Variants in C11orf24 observed in about 807,000 individuals in gnomAD.
The protein encoded by C11orf24 is chromosome 11 open reading frame 24.
C11orf24 carries 5 observed loss-of-function variants against 7.3 expected under a neutral mutation model. That is an observed-to-expected ratio of 0.69 (90% CI 0.36 to 1.45). The LOEUF is 1.45. Ranked by LOEUF, C11orf24 falls within the 40% of genes most tolerant of loss-of-function variation. C11orf24 has a pLI of 0.03. For synonymous variants in C11orf24, 233 were observed against 235.7 expected (o/e 0.99, Z 0.11); for missense variants, 566 against 590.5 (o/e 0.96, Z 0.43).
Position 68,262,423 on chromosome 11 carries a change from G to T in C11orf24, c.572C>A (p.Ala191Asp). 1.2e-6 allele frequency: 2 copies of T among 1,614,184 alleles called. No individual in the cohort carries two copies. The highest frequency in any genetic ancestry group is 1.7e-6 in the Non-Finnish European group (2 of 1,180,036). Residue 191 changes from alanine to aspartate, a missense_variant, in exon 4 of 4, where the codon GCC becomes GAC. Transcript: ENST00000304271. ...GCTGCTCTTTGGCACTTGTGCGAGG[G>T]CTGTGCTGAGAGATGGATGCCCAGT... is the stretch of plus-strand genomic sequence containing the variant. ...TATGHPSLST[A>D]LAQVPKSSAL... is the part of the protein sequence containing the mutation.
intron 2 of C11orf24, among the ~76,000 whole-genome samples, chr11:68,266,040 T>C (rs1245077302): frequency 6.6e-6 from 1 of 152,096 alleles, no homozygotes; most frequent in South Asian, 2.1e-4. Flanking sequence ...GTCATTCCCT[T>C]GAGGAAGCTA....
intron 1 of C11orf24, among the ~76,000 whole-genome samples, chr11:68,270,336 CT>C (rs1287286168): frequency 2.0e-5 from 3 of 152,164 alleles, no homozygotes; most frequent in Non-Finnish European, 2.9e-5. Flanking sequence ...AACTATGCCC[CT>C]GGGTGTCAAC....
rs370352847 is a variant in C11orf24 at position 68,262,710 on chromosome 11, T to G, written c.285A>C (p.Ser95=). The G allele has an allele frequency of 5.0e-6, 8 of 1,614,084 alleles. No individual in the cohort carries two copies. Among genetic ancestry groups the G allele is most frequent in the Middle Eastern group, 3.3e-4 (2 of 6,084 alleles). ...AGGTCACACCATCAGCTGCACCTCC[T>G]GAAGTTGCTGGTTCACTCACATCTG... ...SRTDVSEPAT[S]GGAADGVTSI... The change falls in exon 4 of 4, where the codon TCA becomes TCC. Residue 95 remains serine (S), a synonymous_variant. Coordinates refer to ENST00000304271, the MANE Select transcript of C11orf24 (RefSeq NM_022338.4).
At position 68,268,667 on chromosome 11, in the gene C11orf24, G is replaced by A. The variant is rs1591135436; in HGVS notation, c.-297-416C>T. On this transcript the variant is annotated intron_variant, in intron 1 of 3. Coordinates refer to ENST00000304271, the MANE Select transcript of C11orf24 (RefSeq NM_022338.4). ...AGATTGAGCCACTGCACTCTAGCCTGGGCAATAAGAGCAAAACTGCGTCTC... is the reference window on the plus strand; with the variant it reads ...AGATTGAGCCACTGCACTCTAGCCTAGGCAATAAGAGCAAAACTGCGTCTC... 4.6e-5 allele frequency among the ~76,000 whole-genome samples: 7 copies of A among 152,292 alleles called. 1 individual carries two copies. The highest frequency in any genetic ancestry group is 4.6e-4 in the Admixed American group (7 of 15,296).
chr11:68,263,744 A>G lies in C11orf24; in HGVS notation c.24T>C (p.Ile8=), dbSNP rs1181643085. The change falls in exon 3 of 4, where the codon ATT becomes ATC. Residue 8 remains isoleucine, a synonymous_variant. Transcript: ENST00000304271. MWTALVL[I]WIFSLSLSES... ...CAGATAAGGACAAGGAGAAAATCCAAATGAGCACAAGAGCTGTCCACATCT... is the reference window on the plus strand; with the variant it reads ...CAGATAAGGACAAGGAGAAAATCCAGATGAGCACAAGAGCTGTCCACATCT... 4.3e-6 allele frequency: 7 copies of G among 1,613,382 alleles called. No homozygotes were observed. Among genetic ancestry groups the G allele is most frequent in the Non-Finnish European group, 2.5e-6 (3 of 1,179,962 alleles).
chr11:68,264,581 C>A (rs1009059264), intron 2 of C11orf24, among the ~76,000 whole-genome samples: 1 of 4,714 alleles, frequency 2.1e-4, no homozygotes, highest in East Asian at 5.6e-3. Context: ...CATCTACTCA[C>A]CTGTCCATCC....
chr11:68,264,011 G>GC, intron 2 of C11orf24, 145 bp from the exon 3 acceptor site: 1 of 553,200 alleles, frequency 1.8e-6, no homozygotes, highest in South Asian at 2.3e-5. Flanking sequence ...TGCCCAGGAA[G>GC]ACCTCAGCCA....
rs761591723 is a variant in C11orf24 at position 68,262,461 on chromosome 11, C to T, written c.534G>A (p.Pro178=). ...APTSTSTGRT[P]STTATGHPSL... ...ATGGATGCCCAGTGGCGGTAGTGGA[C>T]GGGGTCCGCCCTGTGGAAGTGGACG... is the stretch of plus-strand genomic sequence containing the variant. The change falls in exon 4 of 4, where the codon CCG becomes CCA. Residue 178 remains proline (P), a synonymous_variant. Coordinates refer to ENST00000304271, the MANE Select transcript of C11orf24 (RefSeq NM_022338.4). 2.2e-5 allele frequency: 36 copies of T among 1,613,970 alleles called. No homozygotes were observed. The highest frequency in any genetic ancestry group is 2.7e-5 in the African/African-American group (2 of 74,918).
At chr11:68,269,330 C>T (rs1397125986) in intron 1 of C11orf24, among the ~76,000 whole-genome samples, 1 of 152,190 alleles carries the variant, frequency 6.6e-6, no homozygotes, top group Admixed American at 6.5e-5. Flanking sequence ...CCAACCAAAA[C>T]TTCGGAGGAA....
chr11:68,267,020 T>G (rs553935674), intron 2 of C11orf24: 49 of 152,338 alleles, frequency 3.2e-4, no homozygotes, highest in African/African-American at 1.2e-3. Flanking sequence ...GGCAAATATT[T>G]GGGATTCTGT....
At chr11:68,266,816 G>C (rs1429198272) in intron 2 of C11orf24, among the ~76,000 whole-genome samples, 1 of 152,094 alleles carries the variant, frequency 6.6e-6, no homozygotes, top group Non-Finnish European at 1.5e-5. Context: ...ACCACCCCTG[G>C]TATGTTCCCC....
At chr11:68,265,017 C>T (rs1048835821) in intron 2 of C11orf24, among the ~76,000 whole-genome samples, 3 of 151,502 alleles carry the variant, frequency 2.0e-5, no homozygotes, top group Non-Finnish European at 4.4e-5. Context: ...GCCCAGAGGA[C>T]ACAGTTCAGC....
At chr11:68,271,782 A>G (rs935730378) in intron 1 of C11orf24, 75 bp downstream of exon 1, 1 of 150,660 alleles carries the variant, frequency 6.6e-6, no homozygotes, top group Non-Finnish European at 1.5e-5. Flanking sequence ...CTGCCCCCCA[A>G]CCTCTGTCTC....
intron 2 of C11orf24, among the ~76,000 whole-genome samples, chr11:68,266,463 C>T (rs58183908): frequency 0.029 from 4,392 of 152,312 alleles, 227 homozygotes; most frequent in African/African-American, 0.1. Flanking sequence ...TTCCAAGAGT[C>T]ACTAACTTTT....
Position 68,261,880 on chromosome 11 carries a change from G to C in C11orf24, c.1115C>G (p.Ala372Gly). The C allele has an allele frequency of 1.9e-6, 3 of 1,614,072 alleles. No homozygotes were observed. Among genetic ancestry groups the C allele is most frequent in the Non-Finnish European group, 2.5e-6 (3 of 1,180,042 alleles). ...GGTGCTGGGCTGGCACGAGTCCGTG[G>C]CTGGCATCTTAGTGCCCCCTGAGCT... The part of the protein sequence containing the change: ...PRSSGGTKMP[A>G]TDSCQPSTQG... Residue 372 changes from alanine (A) to glycine (G), a missense_variant, in exon 4 of 4, where the codon GCC becomes GGC. Coordinates refer to ENST00000304271, the MANE Select transcript of C11orf24 (RefSeq NM_022338.4).
Position 68,261,834 on chromosome 11 carries a change from GACC to G in C11orf24, c.1158_1160del (p.Val387del), listed in dbSNP as rs2098561844. ...CGGCCTGGGTGAGGGGCTCAGTGGTGACCACCATGTACTGGCCTTGGGTGCTGG... is the reference window on the plus strand; with the variant it reads ...CGGCCTGGGTGAGGGGCTCAGTGGTGACCATGTACTGGCCTTGGGTGCTGG... On this transcript the variant is annotated inframe_deletion, in exon 4 of 4. Transcript: ENST00000304271. 1 of 1,614,162 alleles carries G rather than the reference GACC, an allele frequency of 6.2e-7. No individual in the cohort carries two copies. The highest frequency in any genetic ancestry group is 2.2e-5 in the East Asian group (1 of 44,884).
intron 2 of C11orf24, among the ~76,000 whole-genome samples, chr11:68,264,567 T>A (rs1175007244): frequency 6.3e-4 from 2 of 3,190 alleles, no homozygotes; most frequent in South Asian, 0.02. Context: ...CCCACTATTC[T>A]ATCCATCTAC....
At chr11:68,270,945 C>T (rs1213199236) in intron 1 of C11orf24, among the ~76,000 whole-genome samples, 1 of 152,172 alleles carries the variant, frequency 6.6e-6, no homozygotes, top group East Asian at 1.9e-4. Flanking sequence ...AGACGGGAAC[C>T]TAGAACATTG....
At chr11:68,263,220 G>A (rs2098562858) in intron 3 of C11orf24, 1 of 465,030 alleles carries the variant, frequency 2.2e-6, no homozygotes, top group Admixed American at 3.8e-5. Flanking sequence ...CAGAGTAAAA[G>A]TCTCACACAA....
Sources: allele counts gnomAD v4.1 joint callset (sites outside exome capture counted in the v4.1 genomes callset), GRCh38; gene constraint gnomAD v4.1.1; transcripts MANE v1.5; gene names NCBI Gene and HGNC (gene_info 2026-07-23, HGNC 2026-07-21).